Variants in HSD17B3 observed in about 807,000 individuals in gnomAD.
HSD17B3 encodes 17-beta-hydroxysteroid dehydrogenase type 3.
HSD17B3 carries 29 observed loss-of-function variants against 41.1 expected under a neutral mutation model. The ratio of observed to expected loss-of-function variants is 0.71; its 90% confidence interval spans 0.53 to 0.96. The LOEUF is 0.96. Among genes scored for constraint, HSD17B3 ranks in the 40% least tolerant of loss-of-function variants. The pLI, the probability that HSD17B3 is intolerant of heterozygous loss-of-function variation, is 0.00. For missense variants in HSD17B3, 323 were observed against 374.6 expected (o/e 0.86, Z 1.14); for synonymous variants, 126 against 145.6 (o/e 0.87, Z 0.97).
intron 6 of HSD17B3, among the ~76,000 whole-genome samples, chr9:96,248,589 C>G (rs1410208036): frequency 6.6e-6 from 1 of 152,184 alleles, no homozygotes; most frequent in Non-Finnish European, 1.5e-5. Flanking sequence ...CCATATACAG[C>G]TGTGAATGTT....
intron 5 of HSD17B3, 163 bp downstream of exon 5, chr9:96,251,255 T>C (rs1318499224): frequency 1.6e-6 from 1 of 629,420 alleles, no homozygotes; most frequent in Non-Finnish European, 2.8e-6. Flanking sequence ...TGACTGTGGA[T>C]CGAGTGCTAA....
chr9:96,245,504 G>A (rs940474846), intron 7 of HSD17B3, 78 bp from the exon 8 acceptor site: 18 of 1,055,748 alleles, frequency 1.7e-5, no homozygotes, highest in African/African-American at 6.2e-5. Context: ...AAAGGGTCCC[G>A]TGTGAACACT....
chr9:96,298,286 T>A (rs546560685), intron 2 of HSD17B3, 130 bp downstream of exon 2: 1 of 792,276 alleles, frequency 1.3e-6, no homozygotes, highest in Non-Finnish European at 2.3e-6. Flanking sequence ...TGCTTTTCCA[T>A]AGAGTATATT....
intron 10 of HSD17B3, among the ~76,000 whole-genome samples, chr9:96,236,734 T>C (rs1345940180): frequency 1.3e-5 from 2 of 152,000 alleles, no homozygotes; most frequent in Admixed American, 1.3e-4. Context: ...TTCAATGTAT[T>C]TCAGGCTGTA....
chr9:96,237,468 A>C (rs1425573228), intron 10 of HSD17B3, among the ~76,000 whole-genome samples: 1 of 152,242 alleles, frequency 6.6e-6, no homozygotes, highest in Non-Finnish European at 1.5e-5. Context: ...TATTAGGACA[A>C]CTAAGTGAGG....
At chr9:96,236,604 C>T (rs1282962131) in intron 10 of HSD17B3, among the ~76,000 whole-genome samples, 1 of 152,016 alleles carries the variant, frequency 6.6e-6, no homozygotes. Flanking sequence ...TTTGGCACAA[C>T]TCCAAGGCAT....
intron 3 of HSD17B3, among the ~76,000 whole-genome samples, chr9:96,253,339 C>T (rs935048313): frequency 6.6e-6 from 1 of 152,180 alleles, no homozygotes; most frequent in Non-Finnish European, 1.5e-5. Flanking sequence ...TTCGAGACCC[C>T]AGACTGACAG....
intron 2 of HSD17B3, among the ~76,000 whole-genome samples, chr9:96,297,775 T>A (rs904397099): frequency 2.0e-5 from 3 of 152,206 alleles, no homozygotes; most frequent in Non-Finnish European, 2.9e-5. Context: ...ACATAGGAAT[T>A]CCAGGAAACA....
chr9:96,250,946 C>T (rs1373136791), intron 5 of HSD17B3, among the ~76,000 whole-genome samples: 1 of 151,618 alleles, frequency 6.6e-6, no homozygotes, highest in Non-Finnish European at 1.5e-5. Context: ...CCAACAATGG[C>T]AGTCATGGGT....
At chr9:96,301,315 ACGCC>A (rs1827590683) in intron 1 of HSD17B3, among the ~76,000 whole-genome samples, 3 of 151,660 alleles carry the variant, frequency 2.0e-5, no homozygotes, top group Admixed American at 1.3e-4. Context: ...GCGGTGGCTC[ACGCC>A]TGTCATCCCA....
At chr9:96,289,004 G>A (rs59260289) in intron 2 of HSD17B3, among the ~76,000 whole-genome samples, 29,415 of 151,348 alleles carry the variant, frequency 0.19, 3,518 homozygotes, top group East Asian at 0.54. Context: ...AGCTGCTCAG[G>A]AGGCTGAGGT....
chr9:96,243,767 G>A (rs1836544067), intron 9 of HSD17B3, among the ~76,000 whole-genome samples: 1 of 152,176 alleles, frequency 6.6e-6, no homozygotes, highest in Non-Finnish European at 1.5e-5. Context: ...GTGAGGACAG[G>A]TCATCTCCAC....
At chr9:96,290,259 G>C (rs1229451692) in intron 2 of HSD17B3, among the ~76,000 whole-genome samples, 3 of 151,928 alleles carry the variant, frequency 2.0e-5, no homozygotes, top group African/African-American at 7.3e-5. Flanking sequence ...AAATGTAAAC[G>C]CAGATTCGGT....
chr9:96,263,772 C>G (rs547926941), intron 2 of HSD17B3, among the ~76,000 whole-genome samples: 2 of 151,944 alleles, frequency 1.3e-5, no homozygotes, highest in Admixed American at 1.3e-4. Flanking sequence ...GCTACAAGAA[C>G]AAGAATAGTC....
chr9:96,247,785 C>T (rs10120717), intron 6 of HSD17B3, among the ~76,000 whole-genome samples: 2,610 of 152,262 alleles, frequency 0.017, 72 homozygotes, highest in African/African-American at 0.059. Context: ...CGTGGGTCCC[C>T]GCCTCAAGGC....
At chr9:96,255,367 CTTTTTTTTTTTT>C (rs869145717) in intron 2 of HSD17B3, among the ~76,000 whole-genome samples, 12 of 54,564 alleles carry the variant, frequency 2.2e-4, no homozygotes, top group East Asian at 7.3e-4. Context: ...CCCAACATTT[CTTTTTTTTTTTT>C]TTTTTTTTTT....
chr9:96,264,718 A>T (rs748570333), intron 2 of HSD17B3, among the ~76,000 whole-genome samples: 5 of 152,172 alleles, frequency 3.3e-5, no homozygotes, highest in Non-Finnish European at 5.9e-5. Context: ...TTTTGATGGA[A>T]GTAGTATATA....
chr9:96,251,576 T>TTG, intron 4 of HSD17B3, 91 bp from the exon 5 acceptor site: 1 of 1,179,840 alleles, frequency 8.5e-7, no homozygotes, highest in East Asian at 2.4e-5. Flanking sequence ...ACATGTAAGG[T>TTG]TGTTCATCGC....
At chr9:96,280,579 T>C (rs1169225681) in intron 2 of HSD17B3, among the ~76,000 whole-genome samples, 1 of 152,042 alleles carries the variant, frequency 6.6e-6, no homozygotes, top group Non-Finnish European at 1.5e-5. Flanking sequence ...CAAGGGACAG[T>C]GCAATAGGGT....
Sources: gnomAD v4.1 joint callset for allele counts (sites outside exome capture counted in the v4.1 genomes callset) on GRCh38, gnomAD v4.1.1 for gene constraint, MANE v1.5 for transcripts, NCBI Gene and HGNC (gene_info 2026-07-23, HGNC 2026-07-21) for gene names.